The following AVIL variants were observed in gnomAD, a reference collection of about 807,000 sequenced individuals.
The protein encoded by AVIL is advillin.
In AVIL, 78 loss-of-function variants were observed where a neutral mutation model predicts 109.9. That is an observed-to-expected ratio of 0.71 (90% CI 0.59 to 0.86). The LOEUF (loss-of-function observed/expected upper bound fraction) is 0.86, where lower values mean the gene tolerates loss of function less well. Among genes scored for constraint, AVIL ranks in the 40% least tolerant of loss-of-function variants. AVIL has a pLI of 0.00. For synonymous variants in AVIL, 367 were observed against 379.1 expected, an observed-to-expected ratio of 0.97 and a Z score of 0.37; for missense variants, 892 against 1,016.5, an observed-to-expected ratio of 0.88 and a Z score of 1.67.
At position 57,818,624 on chromosome 12, in the gene AVIL, C is replaced by T. The variant is rs943478802; in HGVS notation, c.-20+5G>A. 6 of 152,212 alleles carry T rather than the reference C, an allele frequency of 3.9e-5. No homozygotes were observed. The highest frequency in any genetic ancestry group is 8.8e-5 in the Non-Finnish European group (6 of 68,052). The allele number at this position is 152,212 out of a possible 1,614,324, so 9.4% of individuals were successfully genotyped here. A position where few individuals can be genotyped will look rare whatever the true frequency, so the allele number is the denominator to read the frequency against. On this transcript the variant is annotated splice_donor_5th_base_variant and intron_variant, in intron 1 of 19. Transcript: ENST00000549994. ...TGGCATGCCCCCGTAAATCAGAGAC[C>T]TTACCTTGCCTTCTCGCTCACCAGC... is the stretch of plus-strand genomic sequence containing the variant.
At chr12:57,798,138 G>T in intron 19 of AVIL, 143 bp from the exon 20 acceptor site, 1 of 538,360 alleles carries the variant, frequency 1.9e-6, no homozygotes, top group South Asian at 2.8e-5. Context: ...GGCTGTTAAA[G>T]ATTTAAATTA....
chr12:57,809,991 T>C (rs1459996110), intron 7 of AVIL, 101 bp from the exon 8 acceptor site: 2 of 1,247,422 alleles, frequency 1.6e-6, no homozygotes, highest in African/African-American at 3.0e-5. Flanking sequence ...AGTTTCTAGG[T>C]AGAGTGTGAC....
intron 19 of AVIL, among the ~76,000 whole-genome samples, chr12:57,799,183 A>T (rs968091176): frequency 7.2e-5 from 11 of 152,198 alleles, no homozygotes; most frequent in African/African-American, 2.7e-4. Flanking sequence ...TGAGACCTAC[A>T]TGATGAGAAG....
intron 19 of AVIL, 80 bp downstream of exon 19, chr12:57,799,715 T>A: frequency 6.3e-7 from 1 of 1,594,032 alleles, no homozygotes. Context: ...GCCGGAGCTG[T>A]CCTAGGCCAT....
At position 57,797,456 on chromosome 12, in the gene AVIL, A is replaced by T. The variant is rs1955758937; in HGVS notation, c.*426T>A. The stretch of plus-strand genomic sequence containing the variant: ...AGATCTGGGTATTTGGATTTTGCCT[A>T]TGGAGTGCATATATGATTTCAATGA... On this transcript the variant is annotated 3_prime_UTR_variant, in exon 20 of 20. Transcript: ENST00000549994. The T allele has an allele frequency of 1.0e-6, 1 of 985,376 alleles. No individual in the cohort carries two copies. The highest frequency in any genetic ancestry group is 1.1e-4 in the East Asian group (1 of 8,822). 61.0% of individuals were successfully genotyped at this position (985,376 alleles called of 1,614,324 possible).
chr12:57,806,501 A>T lies in AVIL; in HGVS notation c.1530T>A (p.Pro510=), dbSNP rs150473391. 5.3e-5 allele frequency: 85 copies of T among 1,614,142 alleles called. 1 individual carries two copies. The African/African-American group carries it at 1.0e-3, about 19-fold the overall frequency. ...TSRKGNAEPD[P]PVRLFQIHGN... is the part of the protein sequence containing the mutation. ...CATGAATTTGGAAGAGTCTTACTGG[A>T]GGGTCAGGCTCGGCATTTCCCTTCC... Residue 510 remains proline, a synonymous_variant, in exon 14 of 20, where the codon CCT becomes CCA. Transcript: ENST00000549994.
intron 18 of AVIL, chr12:57,800,199 T>C (rs917528735): frequency 7.1e-5 from 22 of 311,786 alleles, no homozygotes; most frequent in South Asian, 2.4e-4. Flanking sequence ...GGATCTCATT[T>C]GAATATTGGG....
intron 14 of AVIL, among the ~76,000 whole-genome samples, chr12:57,804,787 C>T (rs1172900594): frequency 5.6e-4 from 84 of 149,680 alleles, no homozygotes; most frequent in Non-Finnish European, 1.1e-3. Context: ...CCAGCCTGGG[C>T]GACAGAATGA....
rs1565831156 is a variant in AVIL, at chr12:57,803,521, T to C, written c.1817+3A>G. ...AGAAGAGGGGGAGGCTGTGTTCCCATACCTTTTATCATTGGCATAGGGAGT... is the reference window on the plus strand; with the variant it reads ...AGAAGAGGGGGAGGCTGTGTTCCCACACCTTTTATCATTGGCATAGGGAGT... On this transcript the variant is annotated splice_donor_region_variant and intron_variant, in intron 15 of 19. Transcript: ENST00000549994. 1 of 1,614,210 alleles carries C rather than the reference T, an allele frequency of 6.2e-7. No individual in the cohort carries two copies.
intron 14 of AVIL, among the ~76,000 whole-genome samples, chr12:57,804,632 C>T (rs1348243225): frequency 2.0e-5 from 3 of 151,822 alleles, no homozygotes; most frequent in African/African-American, 7.3e-5. Context: ...GGCAACATGG[C>T]GAAACCTCGT....
intron 4 of AVIL, among the ~76,000 whole-genome samples, chr12:57,811,586 T>TCAGCC (rs1412880761): frequency 6.6e-6 from 1 of 152,176 alleles, no homozygotes; most frequent in African/African-American, 2.4e-5. Context: ...CGCCCTGCAC[T>TCAGCC]CAGCCCAGCC....
rs1192000582 is a variant in AVIL at position 57,797,872 on chromosome 12, CCTT to C, written c.*7_*9del. On this transcript the variant is annotated 3_prime_UTR_variant, in exon 20 of 20. Coordinates refer to ENST00000549994, the MANE Select transcript of AVIL (RefSeq NM_006576.4). ...TCTGTGGCCTTGCAATAGGTATAGG[CCTT>C]CTTGCTTTAGAAAAGCCCCTTTTCT... 1.2e-6 allele frequency: 2 copies of C among 1,604,550 alleles called. No homozygotes were observed. Among genetic ancestry groups the C allele is most frequent in the Non-Finnish European group, 1.7e-6 (2 of 1,173,992 alleles).
intron 17 of AVIL, among the ~76,000 whole-genome samples, chr12:57,801,783 G>C (rs1470204925): frequency 6.6e-6 from 1 of 152,034 alleles, no homozygotes; most frequent in Non-Finnish European, 1.5e-5. Context: ...AGGAAACCTG[G>C]CTTTCTGTTG....
intron 13 of AVIL, among the ~76,000 whole-genome samples, chr12:57,806,859 T>C (rs1488827508): frequency 6.6e-6 from 1 of 152,188 alleles, no homozygotes; most frequent in East Asian, 1.9e-4. Flanking sequence ...ACTTGACTAG[T>C]AAATGACAAG....
intron 17 of AVIL, chr12:57,801,418 C>T (rs1282365139): frequency 2.3e-6 from 1 of 432,016 alleles, no homozygotes; most frequent in Non-Finnish European, 4.2e-6. Context: ...GATGGTAACC[C>T]CTCAGTCCTC....
At chr12:57,801,033 A>G (rs1460096223) in intron 18 of AVIL, 111 bp downstream of exon 18, 36 of 822,412 alleles carry the variant, frequency 4.4e-5, no homozygotes, top group Non-Finnish European at 6.4e-5. Flanking sequence ...ACAGACAACT[A>G]TGGTAATACT....
At position 57,806,543 on chromosome 12, in the gene AVIL, G is replaced by GACT. The variant is rs771131780; in HGVS notation, c.1492-5_1492-4insAGT. The GACT allele has an allele frequency of 7.7e-5, 125 of 1,613,772 alleles. No homozygotes were observed. Among genetic ancestry groups the GACT allele is most frequent in the Non-Finnish European group, 9.9e-5 (117 of 1,179,934 alleles). On this transcript the variant is annotated splice_region_variant and splice_polypyrimidine_tract_variant and intron_variant, in intron 13 of 19. Coordinates refer to ENST00000549994, the MANE Select transcript of AVIL (RefSeq NM_006576.4). ...TTCCCTTCCTGGAAGTCCCACCCTA[G>GACT]AGAGAAGAAAAGCAGAGTCCAGATC...
At chr12:57,804,867 T>C (rs1955919270) in intron 14 of AVIL, among the ~76,000 whole-genome samples, 1 of 152,062 alleles carries the variant, frequency 6.6e-6, no homozygotes, top group Admixed American at 6.5e-5. Flanking sequence ...AGCTGTACCA[T>C]TTGCAATCCT....
intron 14 of AVIL, chr12:57,803,878 C>G: frequency 1.9e-6 from 1 of 536,104 alleles, no homozygotes; most frequent in South Asian, 4.9e-5. Context: ...GGCTTTGAAA[C>G]CCACAGTGGG....
Sources: allele counts gnomAD v4.1 joint callset (sites outside exome capture counted in the v4.1 genomes callset), GRCh38; gene constraint gnomAD v4.1.1; transcripts MANE v1.5; gene names NCBI Gene and HGNC (gene_info 2026-07-23, HGNC 2026-07-21).